The following FRAS1 variants were observed in gnomAD, a reference collection of about 807,000 sequenced individuals.
The protein encoded by FRAS1 is extracellular matrix organizing protein FRAS1.
Under a neutral mutation model 435.2 loss-of-function variants are expected in FRAS1, and 290 were observed. The observed-to-expected ratio is 0.67, with a 90% CI of 0.61 to 0.73. The LOEUF (loss-of-function observed/expected upper bound fraction) is 0.73, where lower values mean the gene tolerates loss of function less well. FRAS1 is among the 30% of genes least tolerant of loss of function. The probability of loss-of-function intolerance (pLI) is 0.00; values close to 1 mark genes in which losing one functional copy is unlikely to be tolerated. For missense variants in FRAS1, 4,860 were observed against 5,001.5 expected (o/e 0.97, Z 0.85); for synonymous variants, 1,800 against 1,851.0 (o/e 0.97, Z 0.71).
rs145140457 is a variant in FRAS1 at position 78,081,881 on chromosome 4, G to A, written c.108+15865G>A. Among the ~76,000 whole-genome samples, 9 of 152,010 alleles carry A rather than the reference G, an allele frequency of 5.9e-5. No homozygotes were observed. The East Asian group carries it at 1.7e-3, about 29-fold the overall frequency. ...GTTTTTTGGCATTCTCCTTCCTTAC[G>A]CCATATCCTTTAGAAAAGGAGGGCT... is the stretch of plus-strand genomic sequence containing the variant. On this transcript the variant is annotated intron_variant, in intron 2 of 73. Coordinates refer to ENST00000512123, the MANE Select transcript of FRAS1 (RefSeq NM_025074.7).
chr4:78,464,303 C>A, intron 48 of FRAS1, 140 bp from the exon 49 acceptor site: 2 of 1,383,018 alleles, frequency 1.4e-6, no homozygotes, highest in Non-Finnish European at 2.0e-6. Flanking sequence ...GGCTCTTGCC[C>A]AAGAGGACTC....
intron 66 of FRAS1, among the ~76,000 whole-genome samples, chr4:78,518,287 G>A (rs1721271488): frequency 6.6e-6 from 1 of 150,934 alleles, no homozygotes; most frequent in Non-Finnish European, 1.5e-5. Context: ...TAAAACATTT[G>A]GTTTTTTCCT....
intron 24 of FRAS1, among the ~76,000 whole-genome samples, chr4:78,373,124 T>C (rs1731581343): frequency 6.6e-6 from 1 of 152,140 alleles, no homozygotes; most frequent in South Asian, 2.1e-4. Flanking sequence ...AGCTGTTACT[T>C]TCAGATTTTC....
At chr4:78,301,161 G>C (rs1728373665) in intron 14 of FRAS1, among the ~76,000 whole-genome samples, 1 of 152,204 alleles carries the variant, frequency 6.6e-6, no homozygotes, top group Non-Finnish European at 1.5e-5. Context: ...CTTGCAAGCA[G>C]CAAGGCATTC....
intron 30 of FRAS1, among the ~76,000 whole-genome samples, chr4:78,407,177 T>G (rs1733131875): frequency 6.6e-6 from 1 of 152,202 alleles, no homozygotes; most frequent in Non-Finnish European, 1.5e-5. Context: ...TAAGAGAAAT[T>G]GAACCTGTAT....
intron 14 of FRAS1, among the ~76,000 whole-genome samples, chr4:78,301,096 C>A (rs1280771946): frequency 6.6e-6 from 1 of 152,158 alleles, no homozygotes; most frequent in African/African-American, 2.4e-5. Flanking sequence ...GATATCCTTC[C>A]TTCTGCCTCC....
intron 14 of FRAS1, among the ~76,000 whole-genome samples, chr4:78,296,318 A>G (rs974951440): frequency 1.3e-5 from 2 of 151,972 alleles, no homozygotes; most frequent in African/African-American, 2.4e-5. Flanking sequence ...TGGAGACCAG[A>G]CATTCCCATT....
At chr4:78,281,498 G>A (rs979647497) in intron 11 of FRAS1, 65 bp downstream of exon 11, 2 of 1,020,156 alleles carry the variant, frequency 2.0e-6, no homozygotes, top group Non-Finnish European at 2.8e-6. Context: ...TGATCTGCAT[G>A]AAATATCATG....
At chr4:78,503,145 A>T (rs1012623927) in intron 61 of FRAS1, among the ~76,000 whole-genome samples, 1 of 152,160 alleles carries the variant, frequency 6.6e-6, no homozygotes, top group African/African-American at 2.4e-5. Context: ...TTTCGCATTG[A>T]TGGTCATCAG....
intron 63 of FRAS1, 101 bp from the exon 64 acceptor site, chr4:78,511,173 T>A (rs991312683): frequency 5.8e-5 from 54 of 934,782 alleles, no homozygotes; most frequent in Non-Finnish European, 8.1e-6. Context: ...AATCAATGGA[T>A]GGGTGGATGG....
intron 69 of FRAS1, among the ~76,000 whole-genome samples, chr4:78,525,854 G>A (rs1213911486): frequency 6.6e-6 from 1 of 152,210 alleles, no homozygotes; most frequent in Non-Finnish European, 1.5e-5. Flanking sequence ...GTCATGAACT[G>A]GAGAATCCTG....
chr4:78,112,827 TA>T (rs1319554696), intron 2 of FRAS1, among the ~76,000 whole-genome samples: 3 of 152,046 alleles, frequency 2.0e-5, no homozygotes, highest in Non-Finnish European at 4.4e-5. Flanking sequence ...TTTATTTATT[TA>T]TTCATTTTTT....
intron 41 of FRAS1, among the ~76,000 whole-genome samples, chr4:78,442,568 C>T (rs992167157): frequency 6.6e-6 from 1 of 152,214 alleles, no homozygotes; most frequent in African/African-American, 2.4e-5. Flanking sequence ...AACACCCCTT[C>T]TCTCTGCGTG....
At chr4:78,215,183 T>TTTA (rs147112471) in intron 2 of FRAS1, among the ~76,000 whole-genome samples, 55 of 148,994 alleles carry the variant, frequency 3.7e-4, no homozygotes, top group East Asian at 7.9e-4. Flanking sequence ...ATTTACCATC[T>TTTA]TTATTATTAT....
intron 28 of FRAS1, among the ~76,000 whole-genome samples, chr4:78,387,121 T>C (rs868567642): frequency 2.1e-4 from 32 of 152,294 alleles, no homozygotes; most frequent in African/African-American, 7.0e-4. Flanking sequence ...AGCTAGCAGC[T>C]CTCACCAGTT....
chr4:78,109,983 G>C (rs1742618632), intron 2 of FRAS1, among the ~76,000 whole-genome samples: 1 of 17,156 alleles, frequency 5.8e-5, no homozygotes, highest in Non-Finnish European at 1.2e-4. Flanking sequence ...CAAATCATGG[G>C]TGAACTCCCA....
intron 2 of FRAS1, among the ~76,000 whole-genome samples, chr4:78,172,163 G>A (rs569277499): frequency 1.3e-5 from 2 of 151,968 alleles, no homozygotes; most frequent in South Asian, 2.1e-4. Flanking sequence ...CTGTATCTGC[G>A]TGCTTGTATT....
At chr4:78,362,141 T>C (rs564525581) in intron 20 of FRAS1, among the ~76,000 whole-genome samples, 1 of 152,220 alleles carries the variant, frequency 6.6e-6, no homozygotes, top group Non-Finnish European at 1.5e-5. Context: ...CTGTGCACTA[T>C]GTATTGGGTC....
chr4:78,477,875 G>C lies in FRAS1; in HGVS notation c.7912G>C (p.Val2638Leu), dbSNP rs200710024. 7.4e-6 allele frequency: 12 copies of C among 1,613,540 alleles called. No homozygotes were observed. The East Asian group carries it at 8.9e-5, about 12-fold the overall frequency. The change falls in exon 55 of 74, where the codon GTG (valine) becomes CTG (leucine). Residue 2638 changes from valine to leucine, a missense_variant. Transcript: ENST00000512123. The stretch of plus-strand genomic sequence containing the variant: ...CACCATTGTCATCAACGATGATGAC[G>C]TGTTTGAAAATGTTGAGAGTTTCAC... ...SCTIVINDDDVFENVESFTVE... is the reference protein window; with the variant it reads ...SCTIVINDDDLFENVESFTVE...
Sources: gnomAD v4.1 joint callset for allele counts (sites outside exome capture counted in the v4.1 genomes callset) on GRCh38, gnomAD v4.1.1 for gene constraint, MANE v1.5 for transcripts, NCBI Gene and HGNC (gene_info 2026-07-23, HGNC 2026-07-21) for gene names.